Variants in LHFPL3 observed in about 807,000 individuals in gnomAD.
The protein encoded by LHFPL3 is LHFPL tetraspan subfamily member 3 protein.
Under a neutral mutation model 19.3 loss-of-function variants are expected in LHFPL3, and 5 were observed. The observed-to-expected ratio is 0.26, with a 90% confidence interval of 0.14 to 0.54. LHFPL3 has a LOEUF of 0.54. Among genes scored for constraint, LHFPL3 ranks in the 20% least tolerant of loss-of-function variants. LHFPL3 has a pLI of 0.94. For missense variants in LHFPL3, 249 were observed against 307.4 expected, an observed-to-expected ratio of 0.81 and a Z score of 1.42; for synonymous variants, 133 against 126.2, an observed-to-expected ratio of 1.05 and a Z score of -0.36.
intron 2 of LHFPL3, among the ~76,000 whole-genome samples, chr7:104,855,705 C>A (rs1186578052): frequency 6.6e-6 from 1 of 151,794 alleles, no homozygotes; most frequent in African/African-American, 2.4e-5. Context: ...CTCACTGCAA[C>A]CTCCACCTCC....
chr7:104,353,548 T>C (rs1257749155), intron 1 of LHFPL3, among the ~76,000 whole-genome samples: 2 of 152,180 alleles, frequency 1.3e-5, no homozygotes, highest in Non-Finnish European at 2.9e-5. Context: ...GTTTGCAGAG[T>C]GAAAGTAATT....
chr7:104,821,068 C>G (rs1441661715), intron 2 of LHFPL3, among the ~76,000 whole-genome samples: 1 of 152,156 alleles, frequency 6.6e-6, no homozygotes, highest in Non-Finnish European at 1.5e-5. Flanking sequence ...CAACATGAAA[C>G]CTTCAAAGCA....
At chr7:104,865,524 AAAAAAGAAT>A (rs1193488694) in intron 2 of LHFPL3, among the ~76,000 whole-genome samples, 1 of 152,192 alleles carries the variant, frequency 6.6e-6, no homozygotes, top group Non-Finnish European at 1.5e-5. Context: ...AAGTTTAGAG[AAAAAAGAAT>A]AAAAAGAAAT....
At chr7:104,386,991 A>G (rs1267701943) in intron 1 of LHFPL3, among the ~76,000 whole-genome samples, 1 of 152,200 alleles carries the variant, frequency 6.6e-6, no homozygotes, top group Non-Finnish European at 1.5e-5. Context: ...TCTGGCCCAT[A>G]CACAGAAGAA....
intron 1 of LHFPL3, among the ~76,000 whole-genome samples, chr7:104,715,840 A>G (rs1331806896): frequency 6.6e-6 from 1 of 152,162 alleles, no homozygotes; most frequent in Non-Finnish European, 1.5e-5. Flanking sequence ...CAGGGATGTC[A>G]GCCTACAGTT....
chr7:104,424,167 T>C (rs1046375461), intron 1 of LHFPL3, among the ~76,000 whole-genome samples: 1 of 152,250 alleles, frequency 6.6e-6, no homozygotes, highest in African/African-American at 2.4e-5. Context: ...TTCTTAAAAC[T>C]ATGACTACTT....
chr7:104,601,500 G>A (rs1790966697), intron 1 of LHFPL3, among the ~76,000 whole-genome samples: 1 of 152,226 alleles, frequency 6.6e-6, no homozygotes, highest in Non-Finnish European at 1.5e-5. Flanking sequence ...CGCTCTGAAT[G>A]AAATTAAACA....
chr7:104,619,273 T>C (rs6948818), intron 1 of LHFPL3, among the ~76,000 whole-genome samples: 67,834 of 152,104 alleles, frequency 0.45, 15,368 homozygotes, highest in South Asian at 0.53. Flanking sequence ...GGCCACAGTA[T>C]ACAAAATATC....
At chr7:104,406,220 C>A (rs1791410069) in intron 1 of LHFPL3, among the ~76,000 whole-genome samples, 1 of 152,192 alleles carries the variant, frequency 6.6e-6, no homozygotes, top group Non-Finnish European at 1.5e-5. Flanking sequence ...TAATTGTGCT[C>A]CAGGTACATT....
At chr7:104,390,561 A>G (rs1791045105) in intron 1 of LHFPL3, among the ~76,000 whole-genome samples, 3 of 152,284 alleles carry the variant, frequency 2.0e-5, no homozygotes, top group East Asian at 1.9e-4. Context: ...TATGTGCTAC[A>G]TTTGCTTAAT....
At chr7:104,423,851 A>T (rs1032267687) in intron 1 of LHFPL3, among the ~76,000 whole-genome samples, 1 of 152,106 alleles carries the variant, frequency 6.6e-6, no homozygotes, top group African/African-American at 2.4e-5. Flanking sequence ...AAGGCAAACA[A>T]CAAACAAACA....
At chr7:104,801,206 C>A (rs1324250045) in intron 2 of LHFPL3, among the ~76,000 whole-genome samples, 1 of 152,130 alleles carries the variant, frequency 6.6e-6, no homozygotes, top group Middle Eastern at 3.2e-3. Context: ...AAATGGTGCA[C>A]AGAAGCAACA....
intron 1 of LHFPL3, among the ~76,000 whole-genome samples, chr7:104,681,154 C>CTTTTT (rs35342944): frequency 9.0e-5 from 12 of 132,626 alleles, no homozygotes; most frequent in African/African-American, 8.4e-5. Context: ...TTCTTTTCTT[C>CTTTTT]TTTTTTTTTT....
chr7:104,648,348 T>A (rs1443850241), intron 1 of LHFPL3, among the ~76,000 whole-genome samples: 3 of 152,194 alleles, frequency 2.0e-5, no homozygotes, highest in African/African-American at 7.2e-5. Flanking sequence ...GAGCCATATT[T>A]CCTCCATTCT....
chr7:104,904,015 T>C (rs1792546931), intron 2 of LHFPL3, among the ~76,000 whole-genome samples: 1 of 152,240 alleles, frequency 6.6e-6, no homozygotes, highest in East Asian at 1.9e-4. Flanking sequence ...CAAACTGCTT[T>C]CCACAGTGGT....
chr7:104,601,508 A>G (rs1790966828), intron 1 of LHFPL3, among the ~76,000 whole-genome samples: 1 of 152,182 alleles, frequency 6.6e-6, no homozygotes. Flanking sequence ...ATGAAATTAA[A>G]CAGAATGATG....
chr7:104,502,347 AGTGCTTCAGTTTAAGAACT>A (rs1299915547), intron 1 of LHFPL3, among the ~76,000 whole-genome samples: 3 of 151,964 alleles, frequency 2.0e-5, no homozygotes, highest in Admixed American at 6.6e-5. Context: ...GTCACTGTTG[AGTGCTTCAGTTTAAGAACT>A]GTGCTTCAGT....
At chr7:104,615,989 G>A (rs1316307151) in intron 1 of LHFPL3, among the ~76,000 whole-genome samples, 2 of 152,118 alleles carry the variant, frequency 1.3e-5, no homozygotes. Context: ...AATAAGAGAG[G>A]ACACAAACCA....
chr7:104,879,268 T>C (rs923798678), intron 2 of LHFPL3, among the ~76,000 whole-genome samples: 1 of 151,988 alleles, frequency 6.6e-6, no homozygotes, highest in Non-Finnish European at 1.5e-5. Context: ...ATGCAAAAGT[T>C]AGCTGGGCAT....
Sources: allele counts gnomAD v4.1 joint callset (sites outside exome capture counted in the v4.1 genomes callset), GRCh38; gene constraint gnomAD v4.1.1; transcripts MANE v1.5; gene names NCBI Gene and HGNC (gene_info 2026-07-23, HGNC 2026-07-21).